The following USP32 variants were observed in gnomAD, a reference collection of about 807,000 sequenced individuals.
USP32 encodes ubiquitin specific peptidase 32.
Under a neutral mutation model 204.8 loss-of-function variants are expected in USP32, and 59 were observed. That is an observed-to-expected ratio of 0.29 (90% CI 0.23 to 0.36). The LOEUF is 0.36. USP32 is among the 10% of genes least tolerant of loss of function. USP32 has a pLI of 1.00. For missense variants in USP32, 1,160 were observed against 1,946.4 expected (o/e 0.60, Z 7.60); for synonymous variants, 517 against 678.4 (o/e 0.76, Z 3.70).
chr17:60,328,883 T>C lies in USP32; in HGVS notation c.186+16598A>G, dbSNP rs542330525. Among the ~76,000 whole-genome samples, 77 of 149,450 alleles carry C rather than the reference T, an allele frequency of 5.2e-4. 1 individual carries two copies. Among genetic ancestry groups the C allele is most frequent in the South Asian group, 2.9e-3 (14 of 4,826 alleles). On this transcript the variant is annotated intron_variant, in intron 2 of 33. Transcript: ENST00000300896. ...CTGCTCTGTGGCAGCAGCCAGTGTG[T>C]CTTGACTGCACACTGGCTGTACCCC...
intron 1 of USP32, among the ~76,000 whole-genome samples, chr17:60,404,002 T>G (rs1156776112): frequency 3.4e-5 from 5 of 146,156 alleles, no homozygotes; most frequent in Non-Finnish European, 7.4e-5. Context: ...ATCACACCAC[T>G]GCACTCCAGC....
chr17:60,187,409 A>G (rs1422107652), intron 29 of USP32, among the ~76,000 whole-genome samples: 2 of 152,224 alleles, frequency 1.3e-5, no homozygotes, highest in Non-Finnish European at 2.9e-5. Flanking sequence ...GTAACAAGAT[A>G]TTAACTGTCA....
At chr17:60,182,710 C>T (rs377161843) in intron 31 of USP32, among the ~76,000 whole-genome samples, 1 of 151,946 alleles carries the variant, frequency 6.6e-6, no homozygotes, top group African/African-American at 2.4e-5. Flanking sequence ...CTGCAGTGAG[C>T]TGTGATCTGT....
intron 25 of USP32, among the ~76,000 whole-genome samples, chr17:60,205,876 G>T (rs2084813207): frequency 6.6e-6 from 1 of 152,172 alleles, no homozygotes; most frequent in South Asian, 2.1e-4. Context: ...AAGAGTAACT[G>T]CTGGAAACTA....
At chr17:60,291,519 T>TTC in intron 4 of USP32, among the ~76,000 whole-genome samples, 1 of 147,600 alleles carries the variant, frequency 6.8e-6, no homozygotes, top group East Asian at 2.0e-4. Context: ...GCTAAAGTGC[T>TTC]TCTCTCTCTG....
intron 1 of USP32, among the ~76,000 whole-genome samples, chr17:60,375,080 T>A (rs972417335): frequency 2.0e-5 from 3 of 152,232 alleles, no homozygotes; most frequent in African/African-American, 4.8e-5. Context: ...CTCTTAGTAA[T>A]CTTGTATATT....
At chr17:60,409,205 G>A (rs970337636) in intron 1 of USP32, among the ~76,000 whole-genome samples, 26 of 152,150 alleles carry the variant, frequency 1.7e-4, no homozygotes, top group African/African-American at 6.3e-4. Flanking sequence ...AAAATTAGCT[G>A]GGCATGGTGG....
chr17:60,405,366 C>A (rs1234783683), intron 1 of USP32, among the ~76,000 whole-genome samples: 1 of 151,964 alleles, frequency 6.6e-6, no homozygotes, highest in Non-Finnish European at 1.5e-5. Flanking sequence ...CCAAGCCAAC[C>A]TAATTTTTTT....
chr17:60,334,616 CG>C (rs1567858521), intron 2 of USP32, among the ~76,000 whole-genome samples: 1 of 143,454 alleles, frequency 7.0e-6, no homozygotes, highest in Non-Finnish European at 1.5e-5. Flanking sequence ...GGCCTGAACC[CG>C]GGAGGCGGAG....
intron 2 of USP32, among the ~76,000 whole-genome samples, chr17:60,336,918 C>A (rs1265406707): frequency 6.6e-6 from 1 of 152,050 alleles, no homozygotes; most frequent in East Asian, 1.9e-4. Context: ...TCAAGATATA[C>A]CGTAACAAAA....
At chr17:60,222,677 AT>A (rs373799936) in intron 14 of USP32, 128 bp from the exon 15 acceptor site, 63,645 of 468,238 alleles carry the variant, frequency 0.14, 643 homozygotes, top group African/African-American at 0.23. Flanking sequence ...GAAAAACTTA[AT>A]TTTTTTTTTT....
At chr17:60,360,741 A>G (rs569357600) in intron 1 of USP32, among the ~76,000 whole-genome samples, 1 of 152,342 alleles carries the variant, frequency 6.6e-6, no homozygotes, top group Admixed American at 6.5e-5. Flanking sequence ...TAATGTGAAA[A>G]AAATGTGGTT....
intron 25 of USP32, among the ~76,000 whole-genome samples, chr17:60,206,294 G>C (rs577123120): frequency 1.0e-4 from 15 of 146,302 alleles, no homozygotes; most frequent in African/African-American, 4.2e-4. Context: ...TCCAGGCTGG[G>C]TGACAGAGTG....
At chr17:60,319,220 T>G (rs1448156668) in intron 2 of USP32, among the ~76,000 whole-genome samples, 1 of 152,216 alleles carries the variant, frequency 6.6e-6, no homozygotes, top group Non-Finnish European at 1.5e-5. Flanking sequence ...ACTGTACACT[T>G]TAAAATGGTT....
At chr17:60,353,318 C>T (rs149623738) in intron 1 of USP32, among the ~76,000 whole-genome samples, 4 of 152,280 alleles carry the variant, frequency 2.6e-5, no homozygotes, top group East Asian at 1.9e-4. Context: ...TGGAACCCAA[C>T]GTTATTTCCA....
chr17:60,316,662 G>C (rs1051103759), intron 2 of USP32, among the ~76,000 whole-genome samples: 1 of 152,046 alleles, frequency 6.6e-6, no homozygotes, highest in Non-Finnish European at 1.5e-5. Flanking sequence ...CCAACATGGT[G>C]AAATCCCGTC....
rs183671691 is a variant in USP32 at position 60,213,083 on chromosome 17, T to C, written c.2104+498A>G. 9.5e-3 allele frequency among the ~76,000 whole-genome samples: 1,440 copies of C among 152,284 alleles called. 31 individuals are homozygous for C. Among genetic ancestry groups the C allele is most frequent in the African/African-American group, 0.033 (1,384 of 41,532 alleles). On this transcript the variant is annotated intron_variant, in intron 18 of 33. Transcript: ENST00000300896. ...ATTTTAATACAAAGGCAGCTAACAATGTTGCCACAAAACTTGATGGGAAAA... is the reference window on the plus strand; with the variant it reads ...ATTTTAATACAAAGGCAGCTAACAACGTTGCCACAAAACTTGATGGGAAAA...
chr17:60,419,251 A>G (rs13341392), intron 1 of USP32, among the ~76,000 whole-genome samples: 19,559 of 152,132 alleles, frequency 0.13, 2,606 homozygotes, highest in African/African-American at 0.33. Flanking sequence ...TCCTTAGAAA[A>G]CTAACATAGG....
chr17:60,332,853 T>G (rs745761040), intron 2 of USP32, among the ~76,000 whole-genome samples: 2 of 152,240 alleles, frequency 1.3e-5, no homozygotes, highest in Admixed American at 6.5e-5. Context: ...GATTCATTCA[T>G]GTTGTTGCAT....
Sources: gnomAD v4.1 joint callset for allele counts (sites outside exome capture counted in the v4.1 genomes callset) on GRCh38, gnomAD v4.1.1 for gene constraint, MANE v1.5 for transcripts, NCBI Gene and HGNC (gene_info 2026-07-23, HGNC 2026-07-21) for gene names.